PIGL: variants seen among roughly 807,000 people sequenced by gnomAD.
PIGL encodes N-acetylglucosaminyl-phosphatidylinositol de-N-acetylase.
PIGL carries 22 observed loss-of-function variants against 31.1 expected under a neutral mutation model. The observed-to-expected ratio is 0.71, with a 90% CI of 0.51 to 1.01. The LOEUF (loss-of-function observed/expected upper bound fraction) is 1.01, where lower values mean the gene tolerates loss of function less well. Among genes scored for constraint, PIGL ranks in the 50% least tolerant of loss-of-function variants. The pLI is 0.00. For synonymous variants in PIGL, 131 were observed against 117.4 expected (o/e 1.12, Z -0.75); for missense variants, 302 against 315.9 (o/e 0.96, Z 0.33).
At chr17:16,241,698 G>A (rs2092724011) in intron 2 of PIGL, among the ~76,000 whole-genome samples, 1 of 152,130 alleles carries the variant, frequency 6.6e-6, no homozygotes, top group South Asian at 2.1e-4. Flanking sequence ...GCATTGAGAT[G>A]TAAGGTGGGA....
intron 1 of PIGL, among the ~76,000 whole-genome samples, chr17:16,224,613 T>G (rs1192104305): frequency 6.6e-6 from 1 of 151,586 alleles, no homozygotes; most frequent in Non-Finnish European, 1.5e-5. Flanking sequence ...AGCCCCCAAA[T>G]ACATTTTAGA....
chr17:16,306,178 T>G (rs2093025417), intron 3 of PIGL, among the ~76,000 whole-genome samples: 1 of 152,052 alleles, frequency 6.6e-6, no homozygotes, highest in Admixed American at 6.6e-5. Flanking sequence ...CTTGAACTCC[T>G]GACCTCGAGA....
intron 3 of PIGL, chr17:16,300,214 A>G (rs2092998719): frequency 4.3e-6 from 2 of 467,958 alleles, no homozygotes; most frequent in Non-Finnish European, 7.7e-6. Context: ...GTGCTCAGAT[A>G]GAGGCAGAAG....
intron 2 of PIGL, among the ~76,000 whole-genome samples, chr17:16,276,888 A>G (rs2092898344): frequency 6.6e-6 from 1 of 152,370 alleles, no homozygotes; most frequent in Middle Eastern, 3.4e-3. Context: ...CATTATTTGT[A>G]TAAAGTGCAG....
intron 2 of PIGL, among the ~76,000 whole-genome samples, chr17:16,263,938 T>C (rs1600796532): frequency 6.8e-6 from 1 of 147,490 alleles, no homozygotes; most frequent in Admixed American, 7.0e-5. Flanking sequence ...GCCTCCTGAG[T>C]TCAAGCGATT....
chr17:16,266,304 G>A (rs1175006572), intron 2 of PIGL, among the ~76,000 whole-genome samples: 5 of 145,584 alleles, frequency 3.4e-5, no homozygotes, highest in South Asian at 2.2e-4. Flanking sequence ...CGGAAGAATC[G>A]CTTGAACCTG....
intron 3 of PIGL, among the ~76,000 whole-genome samples, chr17:16,306,976 A>G (rs1160587038): frequency 6.6e-6 from 1 of 152,220 alleles, no homozygotes; most frequent in Non-Finnish European, 1.5e-5. Flanking sequence ...CTTTCTCTGC[A>G]GAGCACTTGA....
chr17:16,236,067 A>G (rs1310760131), intron 2 of PIGL, among the ~76,000 whole-genome samples: 1 of 152,168 alleles, frequency 6.6e-6, no homozygotes, highest in Non-Finnish European at 1.5e-5. Flanking sequence ...TTCTTTTGTA[A>G]AACAGAATCT....
intron 2 of PIGL, among the ~76,000 whole-genome samples, chr17:16,260,011 G>A (rs113174685): frequency 1.1e-4 from 17 of 152,296 alleles, no homozygotes; most frequent in African/African-American, 3.1e-4. Flanking sequence ...AGGCACTGTC[G>A]CAACCTGCCA....
rs184922943 is a variant in PIGL, at chr17:16,230,822, G to A, written c.236-3149G>A. On this transcript the variant is annotated intron_variant, in intron 1 of 6. Coordinates refer to ENST00000225609, the MANE Select transcript of PIGL (RefSeq NM_004278.4). ...CACATTTAATACAAAATAAAGTCACGTTGTAAAGACTCAAATTTATACATC... is the reference window on the plus strand; with the variant it reads ...CACATTTAATACAAAATAAAGTCACATTGTAAAGACTCAAATTTATACATC... 6.6e-3 allele frequency among the ~76,000 whole-genome samples: 1,007 copies of A among 151,708 alleles called. 10 individuals carry two copies. Among genetic ancestry groups the A allele is most frequent in the Non-Finnish European group, 0.011 (771 of 67,928 alleles).
At chr17:16,286,289 G>A (rs774507363) in intron 2 of PIGL, among the ~76,000 whole-genome samples, 36 of 152,260 alleles carry the variant, frequency 2.4e-4, no homozygotes, top group Non-Finnish European at 4.4e-4. Context: ...TTCCAGCAGC[G>A]GAGGCTGCGA....
chr17:16,323,775 C>T (rs1480941205), intron 6 of PIGL, among the ~76,000 whole-genome samples: 1 of 150,116 alleles, frequency 6.7e-6, no homozygotes, highest in African/African-American at 2.5e-5. Context: ...CACCACCAAG[C>T]CTGGCTAATT....
intron 1 of PIGL, 65 bp downstream of exon 1, chr17:16,217,526 C>T: frequency 7.8e-7 from 1 of 1,275,472 alleles, no homozygotes; most frequent in Non-Finnish European, 1.1e-6. Flanking sequence ...GCTAACCGAT[C>T]TCAGTCGCCT....
chr17:16,285,066 C>T (rs950013819), intron 2 of PIGL, among the ~76,000 whole-genome samples: 1 of 151,188 alleles, frequency 6.6e-6, no homozygotes, highest in Admixed American at 6.5e-5. Flanking sequence ...AGCCCTCCCA[C>T]CACCTCAGCC....
Position 16,299,965 on chromosome 17 carries a change from A to G in PIGL, c.413A>G (p.Asn138Ser), listed in dbSNP as rs2092997575. 2.5e-6 allele frequency: 4 copies of G among 1,613,254 alleles called. No individual in the cohort carries two copies. The African/African-American group carries it at 5.3e-5, about 22-fold the overall frequency. Residue 138 changes from asparagine (N) to serine (S), a missense_variant, in exon 3 of 7, where the codon AAT (asparagine) becomes AGT (serine). Transcript: ENST00000225609. ...GTCCTCCTTCAGCACATAGAAGTGA[A>G]TGGCATCAATCTGGTAAGGGGGCAG... ...ARVLLQHIEV[N>S]GINLVVTFDA...
chr17:16,306,185 G>A (rs2093025489), intron 3 of PIGL, among the ~76,000 whole-genome samples: 1 of 152,010 alleles, frequency 6.6e-6, no homozygotes, highest in African/African-American at 2.4e-5. Context: ...TCCTGACCTC[G>A]AGATCCACCC....
At chr17:16,217,617 A>AT in intron 1 of PIGL, 156 bp downstream of exon 1, 2 of 556,452 alleles carry the variant, frequency 3.6e-6, no homozygotes, top group South Asian at 3.0e-5. Context: ...TAGGGACAGG[A>AT]GCGGCCGGCT....
At chr17:16,287,040 A>G (rs2092941014) in intron 2 of PIGL, among the ~76,000 whole-genome samples, 1 of 152,226 alleles carries the variant, frequency 6.6e-6, no homozygotes, top group African/African-American at 2.4e-5. Context: ...TGCTTAGTCC[A>G]GATCACTTAA....
In PIGL at chr17:16,317,919, T is replaced by C. The variant is rs1279655299; in HGVS notation, c.660+11T>C. 1 of 1,607,262 alleles carries C rather than the reference T, an allele frequency of 6.2e-7. No homozygotes were observed. Among genetic ancestry groups the C allele is most frequent in the African/African-American group, 1.4e-5 (1 of 73,974 alleles). ...GTGGCACAGGCCAAGGTGAGGATTG[T>C]AAATTCCTGGACACCCCAACTCAGA... On this transcript the variant is annotated intron_variant, in intron 6 of 6. Transcript: ENST00000225609.
Sources: gnomAD v4.1 joint callset for allele counts (sites outside exome capture counted in the v4.1 genomes callset) on GRCh38, gnomAD v4.1.1 for gene constraint, MANE v1.5 for transcripts, NCBI Gene and HGNC (gene_info 2026-07-23, HGNC 2026-07-21) for gene names.